Variants in PPFIBP1 observed in about 807,000 individuals in gnomAD.
The protein encoded by PPFIBP1 is liprin-beta-1.
A neutral mutation model predicts 137.8 loss-of-function variants in PPFIBP1; 112 were observed. The ratio of observed to expected loss-of-function variants is 0.81; its 90% confidence interval spans 0.70 to 0.95. PPFIBP1 has a LOEUF of 0.95. Ranked by LOEUF, PPFIBP1 falls within the 40% of genes least tolerant of loss-of-function variation. The pLI is 0.00. For synonymous variants in PPFIBP1, 378 were observed against 417.3 expected (o/e 0.91, Z 1.15); for missense variants, 1,083 against 1,196.6 (o/e 0.91, Z 1.40).
intron 2 of PPFIBP1, among the ~76,000 whole-genome samples, chr12:27,598,252 C>G (rs2053549385): frequency 6.6e-6 from 1 of 152,134 alleles, no homozygotes; most frequent in African/African-American, 2.4e-5. Context: ...TTCCATGTGG[C>G]TGGGAAGGCC....
intron 1 of PPFIBP1, among the ~76,000 whole-genome samples, chr12:27,566,648 G>A (rs530466808): frequency 9.7e-4 from 147 of 152,234 alleles, no homozygotes; most frequent in African/African-American, 3.2e-3. Flanking sequence ...CAGTGGGTGA[G>A]GGCTTATTGT....
At chr12:27,656,495 A>G in intron 8 of PPFIBP1, 121 bp from the exon 9 acceptor site, 1 of 677,314 alleles carries the variant, frequency 1.5e-6, no homozygotes, top group South Asian at 1.7e-5. Context: ...GCTTGCATCT[A>G]AATTCTAGTA....
intron 4 of PPFIBP1, among the ~76,000 whole-genome samples, chr12:27,637,686 A>G (rs2057782859): frequency 6.6e-6 from 1 of 152,168 alleles, no homozygotes; most frequent in African/African-American, 2.4e-5. Context: ...ACAAAGCAAG[A>G]AGAAGAGAGG....
At chr12:27,676,793 C>T in intron 18 of PPFIBP1, 194 bp downstream of exon 18, 1 of 685,690 alleles carries the variant, frequency 1.5e-6, no homozygotes, top group Non-Finnish European at 2.5e-6. Context: ...AGACTCTCAC[C>T]CTGCTCTCTC....
intron 4 of PPFIBP1, among the ~76,000 whole-genome samples, chr12:27,640,325 A>G (rs936980510): frequency 6.6e-6 from 1 of 152,198 alleles, no homozygotes; most frequent in Admixed American, 6.5e-5. Context: ...TCTTGGTCTC[A>G]TGTTATCCTT....
intron 1 of PPFIBP1, among the ~76,000 whole-genome samples, chr12:27,560,398 T>A (rs891814934): frequency 1.3e-5 from 2 of 152,302 alleles, no homozygotes; most frequent in African/African-American, 4.8e-5. Flanking sequence ...CAGTTTGGAT[T>A]TTGGAAATTA....
At chr12:27,622,114 A>G (rs1223855275) in intron 2 of PPFIBP1, among the ~76,000 whole-genome samples, 1 of 152,160 alleles carries the variant, frequency 6.6e-6, no homozygotes, top group Non-Finnish European at 1.5e-5. Context: ...TCATCATTTT[A>G]TATGTGTGGA....
chr12:27,684,589 C>T (rs2061086222), intron 24 of PPFIBP1, among the ~76,000 whole-genome samples: 3 of 152,178 alleles, frequency 2.0e-5, no homozygotes, highest in East Asian at 3.9e-4. Context: ...GAACCCAAGC[C>T]CCTTACCTTG....
At chr12:27,653,526 G>A (rs1395181040) in intron 7 of PPFIBP1, among the ~76,000 whole-genome samples, 4 of 150,420 alleles carry the variant, frequency 2.7e-5, no homozygotes, top group Non-Finnish European at 4.4e-5. Flanking sequence ...GGCGAAGGTC[G>A]CGGTGAGCTG....
chr12:27,548,829 CTG>C (rs1946486454), intron 1 of PPFIBP1: 1 of 152,238 alleles, frequency 6.6e-6, no homozygotes, highest in African/African-American at 2.4e-5. Flanking sequence ...CCCCTGGACT[CTG>C]TGTATTCTTT....
chr12:27,525,262 A>G (rs777843494), intron 1 of PPFIBP1, among the ~76,000 whole-genome samples: 9 of 152,194 alleles, frequency 5.9e-5, no homozygotes, highest in Admixed American at 1.3e-4. Context: ...CTTGATTTCA[A>G]AGTCCAAGTT....
chr12:27,633,549 T>G, intron 3 of PPFIBP1, 89 bp downstream of exon 3: 2 of 1,178,456 alleles, frequency 1.7e-6, no homozygotes, highest in Non-Finnish European at 2.4e-6. Flanking sequence ...TCTTTTCACT[T>G]TATTTTCATT....
intron 1 of PPFIBP1, among the ~76,000 whole-genome samples, chr12:27,551,819 A>C (rs991191619): frequency 6.6e-6 from 1 of 152,262 alleles, no homozygotes; most frequent in Non-Finnish European, 1.5e-5. Flanking sequence ...TGGCATCTTG[A>C]AATAAAACAG....
At chr12:27,600,787 A>G (rs2053895381) in intron 2 of PPFIBP1, among the ~76,000 whole-genome samples, 1 of 152,182 alleles carries the variant, frequency 6.6e-6, no homozygotes, top group African/African-American at 2.4e-5. Context: ...ACTTAATACT[A>G]CTGAACTGTA....
intron 24 of PPFIBP1, among the ~76,000 whole-genome samples, chr12:27,684,134 A>T (rs2061054484): frequency 6.7e-6 from 1 of 149,680 alleles, no homozygotes; most frequent in African/African-American, 2.5e-5. Context: ...TTGGAGACAG[A>T]GTCTCACTCT....
intron 1 of PPFIBP1, among the ~76,000 whole-genome samples, chr12:27,552,240 G>T (rs1286490687): frequency 6.6e-6 from 1 of 152,212 alleles, no homozygotes; most frequent in Admixed American, 6.5e-5. Context: ...CTGATTGCAT[G>T]TCAAAGAGAA....
chr12:27,555,370 G>A (rs1412960623), intron 1 of PPFIBP1, among the ~76,000 whole-genome samples: 1 of 152,204 alleles, frequency 6.6e-6, no homozygotes, highest in African/African-American at 2.4e-5. Context: ...TTCTCTAAAT[G>A]TGGCTTTTCT....
At chr12:27,646,231 G>A (rs2058473412) in intron 5 of PPFIBP1, 83 bp downstream of exon 5, 1 of 1,041,756 alleles carries the variant, frequency 9.6e-7, no homozygotes, top group Non-Finnish European at 1.5e-6. Flanking sequence ...CAGATTGCTT[G>A]CAGCAATCAG....
chr12:27,539,117 A>T (rs919589312), intron 1 of PPFIBP1, among the ~76,000 whole-genome samples: 2 of 152,256 alleles, frequency 1.3e-5, no homozygotes, highest in Admixed American at 1.3e-4. Context: ...ATGAAACAAG[A>T]TAATGACTGC....
Sources: allele counts gnomAD v4.1 joint callset (sites outside exome capture counted in the v4.1 genomes callset), GRCh38; gene constraint gnomAD v4.1.1; transcripts MANE v1.5; gene names NCBI Gene and HGNC (gene_info 2026-07-23, HGNC 2026-07-21).